Variants in URM1 observed in about 807,000 individuals in gnomAD.
The protein encoded by URM1 is ubiquitin-related modifier 1.
Under a neutral mutation model 17.7 loss-of-function variants are expected in URM1, and 11 were observed. The observed-to-expected ratio is 0.62, with a 90% CI of 0.39 to 1.03. URM1 has a LOEUF of 1.03. Among genes scored for constraint, URM1 ranks in the 50% least tolerant of loss-of-function variants. The pLI, the probability that URM1 is intolerant of heterozygous loss-of-function variation, is 0.00. For missense variants in URM1, 128 were observed against 129.2 expected, an observed-to-expected ratio of 0.99 and a Z score of 0.04; for synonymous variants, 48 against 50.6, an observed-to-expected ratio of 0.95 and a Z score of 0.22.
rs757588357 is a variant in URM1 at position 128,371,385 on chromosome 9, C to T, written c.5C>T (p.Ala2Val). The T allele has an allele frequency of 3.3e-5, 53 of 1,613,040 alleles. No individual in the cohort carries two copies. In the Admixed American group the frequency reaches 6.0e-4, roughly 18 times the overall value. ...TGCGAGCTCGGCTTCCTCAACATGG[C>T]TGCGCCCTTGTCAGTGGAGGTGGAG... The part of the protein sequence containing the change: M[A>V]APLSVEVEFG... Residue 2 changes from alanine to valine, a missense_variant, in exon 1 of 5, where the codon GCT (alanine) becomes GTT (valine). Coordinates refer to ENST00000372853, the MANE Select transcript of URM1 (RefSeq NM_030914.4).
At chr9:128,380,501 G>A (rs1297758454) in intron 2 of URM1, among the ~76,000 whole-genome samples, 2 of 152,112 alleles carry the variant, frequency 1.3e-5, no homozygotes, top group African/African-American at 2.4e-5. Flanking sequence ...GGCACATGGT[G>A]CTCTCAGAAG....
intron 1 of URM1, 191 bp from the exon 2 acceptor site, chr9:128,377,845 G>A (rs954844211): frequency 2.9e-5 from 18 of 630,758 alleles, no homozygotes; most frequent in African/African-American, 2.8e-4. Context: ...AGGCGACAGA[G>A]TAAGAACCTG....
At chr9:128,383,823 C>T (rs932743960) in intron 2 of URM1, among the ~76,000 whole-genome samples, 4 of 152,192 alleles carry the variant, frequency 2.6e-5, no homozygotes, top group African/African-American at 9.7e-5. Context: ...CCACAGTGGG[C>T]AGTCAGTGTC....
chr9:128,389,841 C>T lies in URM1; in HGVS notation c.*107C>T. The stretch of plus-strand genomic sequence containing the variant: ...CCTGTCCCCCTTGCCTGCCTTCTTC[C>T]CTGCTCTGTCCCCTAAGCTCCCTCC... On this transcript the variant is annotated 3_prime_UTR_variant, in exon 5 of 5. Coordinates refer to ENST00000372853, the MANE Select transcript of URM1 (RefSeq NM_030914.4). 6.9e-7 allele frequency: 1 copy of T among 1,457,110 alleles called. No individual in the cohort carries two copies. The highest frequency in any genetic ancestry group is 9.3e-7 in the Non-Finnish European group (1 of 1,071,260). 90.3% of individuals were successfully genotyped at this position (1,457,110 alleles called of 1,614,324 possible).
intron 1 of URM1, among the ~76,000 whole-genome samples, chr9:128,374,916 C>G (rs1201253781): frequency 1.3e-5 from 2 of 152,366 alleles, no homozygotes; most frequent in Admixed American, 6.5e-5. Context: ...CTTCCCTTGG[C>G]CAGGTGCTGG....
Position 128,389,982 on chromosome 9 carries a change from G to C in URM1, c.*248G>C. 1.8e-6 allele frequency: 1 copy of C among 566,802 alleles called. No homozygotes were observed. Among genetic ancestry groups the C allele is most frequent in the Non-Finnish European group, 3.1e-6 (1 of 324,834 alleles). The allele number at this position is 566,802 out of a possible 1,614,324, so 35.1% of individuals were successfully genotyped here. The stretch of plus-strand genomic sequence containing the variant: ...CTTTTCCAGCAGCTGTGGTGGGGGA[G>C]GGTTCCCCTCCAGTTTGTCAAGAGT... On this transcript the variant is annotated 3_prime_UTR_variant, in exon 5 of 5. Coordinates refer to ENST00000372853, the MANE Select transcript of URM1 (RefSeq NM_030914.4).
chr9:128,384,021 T>TGA (rs1165477825), intron 2 of URM1, among the ~76,000 whole-genome samples: 1 of 152,226 alleles, frequency 6.6e-6, no homozygotes, highest in Non-Finnish European at 1.5e-5. Flanking sequence ...CCTGTGTGTG[T>TGA]GACACTGCCA....
At chr9:128,388,291 C>T (rs1033022241) in intron 3 of URM1, 1 of 1,062,688 alleles carries the variant, frequency 9.4e-7, no homozygotes, top group Non-Finnish European at 1.1e-6. Flanking sequence ...TTTAAATAGC[C>T]ACATGCAGCT....
intron 1 of URM1, among the ~76,000 whole-genome samples, chr9:128,374,903 C>T (rs111634477): frequency 1.2e-3 from 176 of 152,334 alleles, no homozygotes; most frequent in African/African-American, 3.4e-3. Flanking sequence ...CTGCAGTCCC[C>T]GCCTTCCCTT....
chr9:128,381,213 T>C (rs1418823033), intron 2 of URM1, among the ~76,000 whole-genome samples: 2 of 152,192 alleles, frequency 1.3e-5, no homozygotes, highest in Non-Finnish European at 2.9e-5. Context: ...GGATATTCAT[T>C]AGTGAGCAAA....
Position 128,389,853 on chromosome 9 carries a change from C to T in URM1, c.*119C>T. On this transcript the variant is annotated 3_prime_UTR_variant, in exon 5 of 5. Coordinates refer to ENST00000372853, the MANE Select transcript of URM1 (RefSeq NM_030914.4). ...GCCTGCCTTCTTCCCTGCTCTGTCC[C>T]CTAAGCTCCCTCCAGGCAGGGAAAA... 1 of 1,365,164 alleles carries T rather than the reference C, an allele frequency of 7.3e-7. No individual in the cohort carries two copies. The highest frequency in any genetic ancestry group is 2.0e-4 in the Middle Eastern group (1 of 5,112). 84.6% of individuals were successfully genotyped at this position (1,365,164 alleles called of 1,614,324 possible). A position where few individuals can be genotyped will look rare whatever the true frequency, so the allele number is the denominator to read the frequency against.
In URM1 at chr9:128,389,957, C is replaced by G. The variant is rs1833287938; in HGVS notation, c.*223C>G. 1 of 598,058 alleles carries G rather than the reference C, an allele frequency of 1.7e-6. No individual in the cohort carries two copies. Among genetic ancestry groups the G allele is most frequent in the Non-Finnish European group, 2.9e-6 (1 of 348,052 alleles). 37.0% of individuals were successfully genotyped at this position (598,058 alleles called of 1,614,324 possible). On this transcript the variant is annotated 3_prime_UTR_variant, in exon 5 of 5. Transcript: ENST00000372853. ...GACAGGCGCCAGAGCCCAGCACTCCCTTTTCCAGCAGCTGTGGTGGGGGAG... is the reference window on the plus strand; with the variant it reads ...GACAGGCGCCAGAGCCCAGCACTCCGTTTTCCAGCAGCTGTGGTGGGGGAG...
chr9:128,378,149 C>G, intron 2 of URM1, 43 bp downstream of exon 2: 1 of 1,449,182 alleles, frequency 6.9e-7, no homozygotes, highest in Non-Finnish European at 9.6e-7. Flanking sequence ...GGCCATTGAA[C>G]AGGAGTTGGT....
chr9:128,380,551 A>G (rs1833145361), intron 2 of URM1, among the ~76,000 whole-genome samples: 1 of 152,096 alleles, frequency 6.6e-6, no homozygotes, highest in Admixed American at 6.6e-5. Context: ...CTTGCCTGGA[A>G]GTTTATTAAA....
intron 1 of URM1, 68 bp from the exon 2 acceptor site, chr9:128,377,968 G>T: frequency 6.3e-7 from 1 of 1,577,772 alleles, no homozygotes; most frequent in South Asian, 1.1e-5. Flanking sequence ...TCAGTTTTCT[G>T]TTTCCGCTAC....
chr9:128,372,654 C>T (rs1833028426), intron 1 of URM1, among the ~76,000 whole-genome samples: 1 of 152,120 alleles, frequency 6.6e-6, no homozygotes, highest in Admixed American at 6.6e-5. Context: ...CTGGACTCCT[C>T]ACTGTTTTGC....
chr9:128,380,404 A>G (rs1333320260), intron 2 of URM1, among the ~76,000 whole-genome samples: 1 of 152,024 alleles, frequency 6.6e-6, no homozygotes, highest in Admixed American at 6.6e-5. Flanking sequence ...GTTTCATGTC[A>G]GGATTGTGTG....
chr9:128,376,640 G>T lies in URM1; in HGVS notation c.36-1396G>T, dbSNP rs183658935. Among the ~76,000 whole-genome samples the T allele has an allele frequency of 4.4e-3, 662 of 151,988 alleles. 6 individuals carry two copies. Among genetic ancestry groups the T allele is most frequent in the African/African-American group, 0.015 (636 of 41,410 alleles). ...CGCACTACTGCACTCCAGCCTGGGC[G>T]ACAGAGCGAGACTCTGTCTCAATAA... is the stretch of plus-strand genomic sequence containing the variant. On this transcript the variant is annotated intron_variant, in intron 1 of 4. Transcript: ENST00000372853.
At chr9:128,388,362 G>T (rs770842103) in intron 3 of URM1, 1 of 993,100 alleles carries the variant, frequency 1.0e-6, no homozygotes, top group South Asian at 4.6e-5. Flanking sequence ...GACTCTGTGC[G>T]TGCACACACC....
Sources: allele counts gnomAD v4.1 joint callset (sites outside exome capture counted in the v4.1 genomes callset), GRCh38; gene constraint gnomAD v4.1.1; transcripts MANE v1.5; gene names NCBI Gene and HGNC (gene_info 2026-07-23, HGNC 2026-07-21).